The following FAM53A variants were observed in gnomAD, a reference collection of about 807,000 sequenced individuals.
FAM53A encodes the protein protein FAM53A.
Under a neutral mutation model 26.6 loss-of-function variants are expected in FAM53A, and 28 were observed. The ratio of observed to expected loss-of-function variants is 1.05; its 90% CI spans 0.78 to 1.45. The LOEUF (loss-of-function observed/expected upper bound fraction) is 1.45. Among genes scored for constraint, FAM53A ranks in the 40% most tolerant of loss-of-function variants. The probability of loss-of-function intolerance (pLI) is 0.00; values close to 1 mark genes in which losing one functional copy is unlikely to be tolerated. For missense variants in FAM53A, 650 were observed against 575.8 expected, an observed-to-expected ratio of 1.13 and a Z score of -1.32; for synonymous variants, 290 against 253.1, an observed-to-expected ratio of 1.15 and a Z score of -1.38.
chr4:1,653,217 G>A (rs567687834), intron 4 of FAM53A, among the ~76,000 whole-genome samples: 28 of 151,964 alleles, frequency 1.8e-4, no homozygotes, highest in South Asian at 6.2e-4. Flanking sequence ...CCACACACCC[G>A]GGTGTCCATG....
At chr4:1,586,799 G>A in the FAM53A span, among the ~76,000 whole-genome samples, 97,689 of 138,380 alleles carry the variant, frequency 0.71, 34,356 homozygotes, top group East Asian at 0.81. Flanking sequence ...AAAAAAAAAA[G>A]AAGAAGAAGT....
intron 4 of FAM53A, among the ~76,000 whole-genome samples, chr4:1,654,209 C>T (rs11729233): frequency 0.018 from 2,805 of 152,338 alleles, 87 homozygotes; most frequent in African/African-American, 0.061. Context: ...ACACAGATGA[C>T]CCAGTGAGTG....
chr4:1,637,370 G>C (rs1281972893), downstream of FAM53A, among the ~76,000 whole-genome samples: 4 of 152,192 alleles, frequency 2.6e-5, no homozygotes, highest in Non-Finnish European at 5.9e-5. Flanking sequence ...CGGGTCTTCA[G>C]AGGCTCTGGG....
intron 2 of FAM53A, among the ~76,000 whole-genome samples, chr4:1,665,559 C>A (rs1211008608): frequency 6.6e-6 from 1 of 151,846 alleles, no homozygotes; most frequent in Non-Finnish European, 1.5e-5. Context: ...CAGATAGAAA[C>A]CACCGCCATA....
chr4:1,652,105 CCAGA>C (rs1468569866), intron 4 of FAM53A, among the ~76,000 whole-genome samples: 5 of 106,838 alleles, frequency 4.7e-5, no homozygotes, highest in East Asian at 5.7e-4. Context: ...ACCATACACA[CCAGA>C]CACACACACG....
chr4:1,682,264 CT>C (rs3993306), intron 1 of FAM53A, among the ~76,000 whole-genome samples: 10,558 of 130,072 alleles, frequency 0.081, 739 homozygotes, highest in African/African-American at 0.26. Flanking sequence ...TTTTAATTTC[CT>C]TTTTTTTTTT....
At position 1,641,560 on chromosome 4, in the gene FAM53A, G is replaced by A. The variant is rs201509404; in HGVS notation, c.930C>T (p.Asp310=). Residue 310 remains aspartate, a synonymous_variant, in exon 5 of 5, where the codon GAC becomes GAT. Transcript: ENST00000308132. ...TCTTCACTGGGGTGTCATCCTCATC[G>A]TCATCTTCGTAATTGAGGGAGCAAA... is the stretch of plus-strand genomic sequence containing the variant. The part of the protein sequence containing the change: ...KSLCSLNYED[D]DEDDTPVKTV... 2.0e-4 allele frequency: 316 copies of A among 1,614,054 alleles called. No individual in the cohort carries two copies. The highest frequency in any genetic ancestry group is 2.4e-4 in the Non-Finnish European group (282 of 1,180,020).
the FAM53A span, among the ~76,000 whole-genome samples, chr4:1,589,409 C>T: frequency 6.6e-6 from 1 of 152,070 alleles, no homozygotes; most frequent in East Asian, 1.9e-4. Flanking sequence ...TATTGAAAGG[C>T]CTTACAATTG....
chr4:1,652,219 CCA>C (rs1032175505), intron 4 of FAM53A, among the ~76,000 whole-genome samples: 15 of 131,734 alleles, frequency 1.1e-4, no homozygotes, highest in Non-Finnish European at 2.1e-4. Flanking sequence ...GCCACACACA[CCA>C]CACACACTAG....
At chr4:1,651,661 A>C (rs1006340507) in intron 4 of FAM53A, among the ~76,000 whole-genome samples, 5 of 152,092 alleles carry the variant, frequency 3.3e-5, no homozygotes, top group Admixed American at 2.6e-4. Context: ...TGAATCACAG[A>C]AACATCCAGA....
rs1250450760 is a variant in FAM53A, at chr4:1,668,914, CA to C, written c.-164-10del. 2 of 572,748 alleles carry C rather than the reference CA, an allele frequency of 3.5e-6. No individual in the cohort carries two copies. Among genetic ancestry groups the C allele is most frequent in the Non-Finnish European group, 6.2e-6 (2 of 323,346 alleles). The allele number at this position is 572,748 out of a possible 1,614,324, so 35.5% of individuals were successfully genotyped here. A position where few individuals can be genotyped will look rare whatever the true frequency, so the allele number is the denominator to read the frequency against. On this transcript the variant is annotated splice_polypyrimidine_tract_variant and intron_variant, in intron 1 of 4. Transcript: ENST00000308132. ...CTCTTCAGGATTTGTGCCTGTTTCT[CA>C]GAAGAGAGAAATCATCATGTGATTA...
At chr4:1,663,972 C>CG (rs1313440389) in intron 2 of FAM53A, among the ~76,000 whole-genome samples, 1 of 152,166 alleles carries the variant, frequency 6.6e-6, no homozygotes, top group Non-Finnish European at 1.5e-5. Context: ...GGGAGGGGAG[C>CG]GCACGAGGCG....
the FAM53A span, among the ~76,000 whole-genome samples, chr4:1,605,530 G>A: frequency 1.3e-5 from 2 of 152,294 alleles, no homozygotes; most frequent in African/African-American, 2.4e-5. This position sits in a 1 kb window ranked among gnomAD's most constrained non-coding sequence, Gnocchi z 5.7. Flanking sequence ...GGGACGACGC[G>A]CAACCACTTT....
the FAM53A span, among the ~76,000 whole-genome samples, chr4:1,574,957 T>C: frequency 6.6e-6 from 1 of 152,156 alleles, no homozygotes; most frequent in Non-Finnish European, 1.5e-5. Flanking sequence ...ATGTGCCAGG[T>C]GGATGAGTGA....
intron 4 of FAM53A, among the ~76,000 whole-genome samples, chr4:1,646,379 G>A (rs1400172615): frequency 2.0e-5 from 3 of 152,250 alleles, no homozygotes; most frequent in Admixed American, 6.5e-5. Flanking sequence ...GATTACAGGC[G>A]TGAGCCACTG....
At chr4:1,673,921 G>A (rs1426780534) in intron 1 of FAM53A, among the ~76,000 whole-genome samples, 1 of 152,260 alleles carries the variant, frequency 6.6e-6, no homozygotes, top group East Asian at 1.9e-4. Flanking sequence ...GACGGGGATT[G>A]TGAGTGCTGG....
At chr4:1,676,222 T>C (rs1160052714) in intron 1 of FAM53A, among the ~76,000 whole-genome samples, 1 of 152,192 alleles carries the variant, frequency 6.6e-6, no homozygotes, top group East Asian at 1.9e-4. Flanking sequence ...CATGCCCCTC[T>C]GAAGGCTCTG....
intron 1 of FAM53A, among the ~76,000 whole-genome samples, chr4:1,621,539 G>C (rs1386585488): frequency 6.6e-6 from 1 of 152,130 alleles, no homozygotes; most frequent in Non-Finnish European, 1.5e-5. Context: ...AGCTTGGGGT[G>C]GGGGACAGTG....
rs566016543 is a variant in FAM53A, at chr4:1,647,533, G to A, written c.883-5926C>T. On this transcript the variant is annotated intron_variant, in intron 4 of 4. Transcript: ENST00000308132. Reference sequence around the variant, plus strand: ...GGGGGGTTGAGGATGATCGCCGAACGGTCCCACTGATAAGCCCCGACATAG... The same window carrying A: ...GGGGGGTTGAGGATGATCGCCGAACAGTCCCACTGATAAGCCCCGACATAG... 2.9e-4 allele frequency among the ~76,000 whole-genome samples: 44 copies of A among 152,268 alleles called. 2 individuals are homozygous for A. The South Asian group carries it at 5.2e-3, about 18-fold the overall frequency.
Sources: gnomAD v4.1 joint callset for allele counts (sites outside exome capture counted in the v4.1 genomes callset) on GRCh38, gnomAD v4.1.1 for gene constraint, Gnocchi (gnomAD v3.1) non-coding constraint, MANE v1.5 for transcripts, NCBI Gene and HGNC (gene_info 2026-07-23, HGNC 2026-07-21) for gene names.